TXNL1: variants seen among roughly 807,000 people sequenced by gnomAD.
TXNL1 encodes the protein thioredoxin-like protein 1.
TXNL1 carries 14 observed loss-of-function variants against 35.5 expected under a neutral mutation model. The observed-to-expected ratio is 0.39, with a 90% confidence interval of 0.26 to 0.62. The LOEUF (loss-of-function observed/expected upper bound fraction) is 0.62, where lower values mean the gene tolerates loss of function less well. Among genes scored for constraint, TXNL1 ranks in the 20% least tolerant of loss-of-function variants. TXNL1 has a pLI of 0.47. For synonymous variants in TXNL1, 110 were observed against 115.5 expected (o/e 0.95, Z 0.31); for missense variants, 263 against 349.7 (o/e 0.75, Z 1.98).
intron 5 of TXNL1, 94 bp from the exon 6 acceptor site, chr18:56,614,690 A>G (rs2024055212): frequency 6.2e-6 from 6 of 965,416 alleles, no homozygotes; most frequent in Non-Finnish European, 8.9e-6. Context: ...AGACACACAC[A>G]AATCAATACA....
intron 5 of TXNL1, among the ~76,000 whole-genome samples, chr18:56,614,835 A>G (rs1311515125): frequency 6.6e-6 from 1 of 152,174 alleles, no homozygotes; most frequent in Non-Finnish European, 1.5e-5. Flanking sequence ...TATTAGGAAT[A>G]TAAGATTTAA....
chr18:56,621,558 T>C (rs75267233), intron 3 of TXNL1, among the ~76,000 whole-genome samples: 3,824 of 152,322 alleles, frequency 0.025, 170 homozygotes, highest in African/African-American at 0.086. Flanking sequence ...TGGGACAAAC[T>C]GGCATTATTA....
intron 7 of TXNL1, among the ~76,000 whole-genome samples, chr18:56,606,959 CTATTT>C (rs1432524375): frequency 2.0e-5 from 3 of 152,066 alleles, no homozygotes; most frequent in Non-Finnish European, 4.4e-5. Flanking sequence ...TGTAATTGCT[CTATTT>C]TATTATTAGT....
intron 1 of TXNL1, among the ~76,000 whole-genome samples, chr18:56,634,385 G>T (rs1304158875): frequency 6.6e-6 from 1 of 152,160 alleles, no homozygotes; most frequent in Non-Finnish European, 1.5e-5. Flanking sequence ...TAACCTCTCT[G>T]TGACTCAATG....
chr18:56,624,371 C>T lies in TXNL1; in HGVS notation c.286G>A (p.Ala96Thr). The T allele has an allele frequency of 6.2e-7, 1 of 1,613,920 alleles. No individual in the cohort carries two copies. The highest frequency in any genetic ancestry group is 2.2e-5 in the East Asian group (1 of 44,832). Residue 96 changes from alanine to threonine, a missense_variant, in exon 3 of 8, where the codon GCT (alanine) becomes ACT (threonine). Transcript: ENST00000217515. Reference protein sequence around the residue: ...VRIDQYQGADAVGLEEKIKQH... With the variant: ...VRIDQYQGADTVGLEEKIKQH... ...TTGATTTTTTCTTCTAATCCCACAG[C>T]ATCTGCTCCTTGATATTGATCAATT... is the stretch of plus-strand genomic sequence containing the variant.
chr18:56,630,949 T>C (rs879550450), intron 1 of TXNL1, among the ~76,000 whole-genome samples: 11 of 152,158 alleles, frequency 7.2e-5, no homozygotes, highest in Non-Finnish European at 1.3e-4. Context: ...GGCATAATCA[T>C]GGCTCACTGC....
rs571694423 is a variant in TXNL1, at chr18:56,636,002, T to C, written c.98+2341A>G. Among the ~76,000 whole-genome samples the C allele has an allele frequency of 5.3e-5, 8 of 152,134 alleles. No individual in the cohort carries two copies. The South Asian group carries it at 1.2e-3, about 24-fold the overall frequency. The stretch of plus-strand genomic sequence containing the variant: ...GTGTACATGATCAGCACAAATGCAA[T>C]TTTTTTTCTCCAAATATTTTCTATC... On this transcript the variant is annotated intron_variant, in intron 1 of 7. Transcript: ENST00000217515.
At chr18:56,610,226 A>G (rs1292535207) in intron 7 of TXNL1, 2 of 152,236 alleles carry the variant, frequency 1.3e-5, no homozygotes, top group East Asian at 3.9e-4. Flanking sequence ...ATTTAAACTG[A>G]GTATATAGCA....
chr18:56,610,256 A>T (rs2023968415), intron 7 of TXNL1: 2 of 152,290 alleles, frequency 1.3e-5, no homozygotes, highest in Admixed American at 1.3e-4. Flanking sequence ...CTGTACTGAT[A>T]AAGCTCTCAG....
Position 56,638,410 on chromosome 18 carries a change from G to A in TXNL1, c.31C>T (p.Pro11Ser), listed in dbSNP as rs756125545. ...CCGCTCAGCTCTGGCTGGAAATCCG[G>A]GTCGCTCCCGACGGGCTTCACCCCC... MVGVKPVGSD[P>S]DFQPELSGAG... is the part of the protein sequence containing the mutation. The change falls in exon 1 of 8, where the codon CCG (proline) becomes TCG (serine). Residue 11 changes from proline (P) to serine (S), a missense_variant. Physicochemically the swap from Pro to Ser is moderately conservative, Grantham distance 74. Coordinates refer to ENST00000217515, the MANE Select transcript of TXNL1 (RefSeq NM_004786.3). 6.2e-7 allele frequency: 1 copy of A among 1,613,468 alleles called. No homozygotes were observed. The highest frequency in any genetic ancestry group is 8.5e-7 in the Non-Finnish European group (1 of 1,179,750).
At chr18:56,606,169 G>C (rs2023889216) in intron 7 of TXNL1, among the ~76,000 whole-genome samples, 1 of 152,158 alleles carries the variant, frequency 6.6e-6, no homozygotes, top group Admixed American at 6.5e-5. Flanking sequence ...GAGGTCAGGA[G>C]ATCGAGACCA....
intron 1 of TXNL1, among the ~76,000 whole-genome samples, chr18:56,637,395 A>T (rs2024472611): frequency 6.6e-6 from 1 of 152,236 alleles, no homozygotes; most frequent in African/African-American, 2.4e-5. Context: ...AAGGAAAATA[A>T]AGCGGAAACC....
At chr18:56,606,891 G>C (rs1208977922) in intron 7 of TXNL1, among the ~76,000 whole-genome samples, 1 of 152,220 alleles carries the variant, frequency 6.6e-6, no homozygotes, top group Non-Finnish European at 1.5e-5. Context: ...GACAGTGAGA[G>C]AAAGAGCAAG....
chr18:56,634,394 T>C (rs2144340597), intron 1 of TXNL1, among the ~76,000 whole-genome samples: 1 of 152,314 alleles, frequency 6.6e-6, no homozygotes, highest in South Asian at 2.1e-4. Flanking sequence ...TGTGACTCAA[T>C]GTCCTCAACT....
chr18:56,630,209 A>G (rs2144331196), intron 1 of TXNL1, among the ~76,000 whole-genome samples: 1 of 152,286 alleles, frequency 6.6e-6, no homozygotes, highest in South Asian at 2.1e-4. Flanking sequence ...AAAAGAAAAA[A>G]AAAAAAAAAG....
Position 56,602,991 on chromosome 18 carries a change from C to A in TXNL1, c.*36G>T. 1.2e-6 allele frequency: 2 copies of A among 1,611,136 alleles called. No individual in the cohort carries two copies. The highest frequency in any genetic ancestry group is 1.7e-6 in the Non-Finnish European group (2 of 1,177,490). ...AAGCAATTATCCAGGAGCTGTAGATCTGATTGCAATATGGTTGTCCAGTGT... is the reference window on the plus strand; with the variant it reads ...AAGCAATTATCCAGGAGCTGTAGATATGATTGCAATATGGTTGTCCAGTGT... On this transcript the variant is annotated 3_prime_UTR_variant, in exon 8 of 8. Transcript: ENST00000217515.
chr18:56,604,140 C>A (rs11151970), intron 7 of TXNL1, among the ~76,000 whole-genome samples: 92,116 of 151,972 alleles, frequency 0.61, 32,960 homozygotes, highest in Non-Finnish European at 0.78. Context: ...CCCTTTGGTC[C>A]AAAGACACCA....
At chr18:56,607,211 TCTTA>T (rs2023913376) in intron 7 of TXNL1, among the ~76,000 whole-genome samples, 3 of 148,602 alleles carry the variant, frequency 2.0e-5, no homozygotes, top group African/African-American at 7.6e-5. Flanking sequence ...AGAGATGGAA[TCTTA>T]CTATGTTTAT....
intron 7 of TXNL1, among the ~76,000 whole-genome samples, chr18:56,607,755 C>T (rs1172786052): frequency 2.6e-5 from 4 of 152,114 alleles, no homozygotes; most frequent in Admixed American, 2.6e-4. Context: ...ACTTGGAAGG[C>T]TGAGGCAGGA....
Sources: allele counts gnomAD v4.1 joint callset (sites outside exome capture counted in the v4.1 genomes callset), GRCh38; gene constraint gnomAD v4.1.1; transcripts MANE v1.5; gene names NCBI Gene and HGNC (gene_info 2026-07-23, HGNC 2026-07-21).